Variants in CABLES1 observed in about 807,000 individuals in gnomAD.
CABLES1 encodes CDK5 and ABL1 enzyme substrate 1.
CABLES1 carries 36 observed loss-of-function variants against 57.8 expected under a neutral mutation model. The observed-to-expected ratio is 0.62, with a 90% CI of 0.48 to 0.82. The LOEUF is 0.82. Among genes scored for constraint, CABLES1 ranks in the 40% least tolerant of loss-of-function variants. CABLES1 has a pLI of 0.00. For synonymous variants in CABLES1, 374 were observed against 363.0 expected, an observed-to-expected ratio of 1.03 and a Z score of -0.35; for missense variants, 767 against 836.6, an observed-to-expected ratio of 0.92 and a Z score of 1.03.
At chr18:23,202,638 T>C (rs1238209173) in intron 3 of CABLES1, among the ~76,000 whole-genome samples, 1 of 152,234 alleles carries the variant, frequency 6.6e-6, no homozygotes, top group African/African-American at 2.4e-5. Context: ...CGCTCATTGC[T>C]GGCCAGGAAG....
At chr18:23,139,140 G>A (rs1207516843) in intron 1 of CABLES1, among the ~76,000 whole-genome samples, 9 of 151,984 alleles carry the variant, frequency 5.9e-5, no homozygotes, top group African/African-American at 1.9e-4. Flanking sequence ...GGTGGCTCAC[G>A]GCTATAATCC....
intron 3 of CABLES1, among the ~76,000 whole-genome samples, chr18:23,205,181 CTTTTT>C (rs34690271): frequency 2.5e-5 from 2 of 81,188 alleles, no homozygotes; most frequent in Non-Finnish European, 4.5e-5. Context: ...TCATTCCTGA[CTTTTT>C]TTTTTTTTTT....
At chr18:23,144,017 C>T (rs2046875192) in intron 1 of CABLES1, among the ~76,000 whole-genome samples, 1 of 152,244 alleles carries the variant, frequency 6.6e-6, no homozygotes, top group African/African-American at 2.4e-5. Flanking sequence ...AGGGCACCCA[C>T]GCTGCTCCGT....
In CABLES1 at chr18:23,136,105, G is replaced by C; in HGVS notation, c.343G>C (p.Glu115Gln). Reference protein sequence around the residue: ...RTRFSLLAAAERGGCIALAAP... With the variant: ...RTRFSLLAAAQRGGCIALAAP... ...TCGGTTCAGCTTGCTCGCCGCTGCC[G>C]AGCGGGGCGGCTGCATCGCGCTCGC... The change falls in exon 1 of 10, where the codon GAG becomes CAG. Residue 115 changes from glutamate (E) to glutamine (Q), a missense_variant. By Grantham distance (29) the Glu-to-Gln change is conservative. Coordinates refer to ENST00000256925, the MANE Select transcript of CABLES1 (RefSeq NM_001100619.3). The C allele has an allele frequency of 8.4e-7, 1 of 1,184,872 alleles. No homozygotes were observed. Among genetic ancestry groups the C allele is most frequent in the Non-Finnish European group, 1.0e-6 (1 of 958,614 alleles). 73.4% of individuals were successfully genotyped at this position (1,184,872 alleles called of 1,614,324 possible). A position where few individuals can be genotyped will look rare whatever the true frequency, so the allele number is the denominator to read the frequency against.
chr18:23,251,613 G>A (rs1210179190), intron 7 of CABLES1, among the ~76,000 whole-genome samples: 1 of 152,176 alleles, frequency 6.6e-6, no homozygotes, highest in Non-Finnish European at 1.5e-5. Flanking sequence ...GAAGACCAGG[G>A]TATTCAGAAA....
intron 3 of CABLES1, among the ~76,000 whole-genome samples, chr18:23,204,956 C>T (rs1027458798): frequency 2.6e-5 from 4 of 152,244 alleles, no homozygotes; most frequent in African/African-American, 4.8e-5. Context: ...GGTGGGGACA[C>T]AGCCAAACCC....
At chr18:23,153,186 C>G (rs551792712) in intron 1 of CABLES1, among the ~76,000 whole-genome samples, 20 of 152,036 alleles carry the variant, frequency 1.3e-4, no homozygotes, top group Non-Finnish European at 2.4e-4. Flanking sequence ...GCCTCGACCT[C>G]CTGGACTCAA....
At chr18:23,256,441 T>C (rs2048167605) in intron 9 of CABLES1, among the ~76,000 whole-genome samples, 1 of 152,226 alleles carries the variant, frequency 6.6e-6, no homozygotes, top group Non-Finnish European at 1.5e-5. Flanking sequence ...CCTTCTGAAC[T>C]TACCACGTGG....
intron 1 of CABLES1, among the ~76,000 whole-genome samples, chr18:23,158,571 T>G (rs1280152966): frequency 1.3e-5 from 2 of 152,222 alleles, no homozygotes; most frequent in Non-Finnish European, 2.9e-5. Flanking sequence ...TCTTTTCATC[T>G]GTTTAGGTTA....
intron 1 of CABLES1, among the ~76,000 whole-genome samples, chr18:23,184,655 A>T (rs150434625): frequency 1.3e-5 from 2 of 152,168 alleles, no homozygotes; most frequent in African/African-American, 2.4e-5. Context: ...GTGAGCCAAG[A>T]TTGTGCCACT....
At chr18:23,226,489 C>T (rs182622140) in intron 4 of CABLES1, among the ~76,000 whole-genome samples, 13 of 151,944 alleles carry the variant, frequency 8.6e-5, no homozygotes, top group Non-Finnish European at 1.3e-4. Context: ...TTTTTACCCT[C>T]ATACACCCTC....
At chr18:23,201,547 A>G (rs934475513) in intron 3 of CABLES1, among the ~76,000 whole-genome samples, 2 of 152,252 alleles carry the variant, frequency 1.3e-5, no homozygotes, top group African/African-American at 4.8e-5. Context: ...AGAATAGTCC[A>G]TACAGACAGA....
At chr18:23,191,930 A>G in intron 2 of CABLES1, among the ~76,000 whole-genome samples, 1 of 141,608 alleles carries the variant, frequency 7.1e-6, no homozygotes, top group Non-Finnish European at 1.6e-5. Flanking sequence ...AAAAAAAAAA[A>G]AAAAAAAAAA....
At chr18:23,224,735 AT>A (rs1419177999) in intron 4 of CABLES1, among the ~76,000 whole-genome samples, 1 of 151,322 alleles carries the variant, frequency 6.6e-6, no homozygotes, top group Admixed American at 6.6e-5. Context: ...CACCCGGCTA[AT>A]TTTTTTGTAT....
At chr18:23,189,620 G>A (rs939736977) in intron 2 of CABLES1, among the ~76,000 whole-genome samples, 7 of 152,204 alleles carry the variant, frequency 4.6e-5, no homozygotes, top group Admixed American at 1.3e-4. Context: ...GGGGCTTCCC[G>A]GGGACTGCAG....
At chr18:23,140,374 C>T (rs2046849992) in intron 1 of CABLES1, among the ~76,000 whole-genome samples, 2 of 152,070 alleles carry the variant, frequency 1.3e-5, no homozygotes, top group Admixed American at 1.3e-4. Flanking sequence ...CCAGGTGAAC[C>T]ACTGTGCTGA....
At chr18:23,135,081 TGTA>T (rs1238387000), upstream of CABLES1, among the ~76,000 whole-genome samples, 1 of 152,210 alleles carries the variant, frequency 6.6e-6, no homozygotes, top group Non-Finnish European at 1.5e-5. Context: ...ATAACCGTCC[TGTA>T]GACCCACAAC....
chr18:23,171,673 G>A (rs1250496495), intron 1 of CABLES1, among the ~76,000 whole-genome samples: 2 of 151,880 alleles, frequency 1.3e-5, no homozygotes, highest in African/African-American at 4.8e-5. Flanking sequence ...CTTTTTCCAA[G>A]ACCCCTGCCA....
intron 7 of CABLES1, among the ~76,000 whole-genome samples, chr18:23,248,218 A>C (rs1171729887): frequency 6.6e-6 from 1 of 152,172 alleles, no homozygotes; most frequent in Non-Finnish European, 1.5e-5. Flanking sequence ...ACTCAGACTC[A>C]ACGGATCGGA....
Sources: gnomAD v4.1 joint callset for allele counts (sites outside exome capture counted in the v4.1 genomes callset) on GRCh38, gnomAD v4.1.1 for gene constraint, MANE v1.5 for transcripts, NCBI Gene and HGNC (gene_info 2026-07-23, HGNC 2026-07-21) for gene names.